PPFIA1: variants seen among roughly 807,000 people sequenced by gnomAD.
PPFIA1 encodes the protein PPFI scaffold protein A1, also known as liprin-alpha-1.
A neutral mutation model predicts 149.9 loss-of-function variants in PPFIA1; 25 were observed. The ratio of observed to expected loss-of-function variants is 0.17; its 90% CI spans 0.12 to 0.23. The LOEUF is 0.23. Ranked by LOEUF, PPFIA1 falls within the 10% of genes least tolerant of loss-of-function variation. PPFIA1 has a pLI of 1.00. For synonymous variants in PPFIA1, 549 were observed against 552.8 expected (o/e 0.99, Z 0.10); for missense variants, 1,362 against 1,506.5 (o/e 0.90, Z 1.59).
chr11:70,339,251 T>C lies in PPFIA1; in HGVS notation c.1652T>C (p.Val551Ala). ...GHTDSYSTSA[V>A]LRRPQKGRLA... is the part of the protein sequence containing the mutation. ...ACAGACTCCTACAGCACCAGTGCAGTGCTGCGGCGCCCACAGAAAGGCCGG... is the reference window on the plus strand; with the variant it reads ...ACAGACTCCTACAGCACCAGTGCAGCGCTGCGGCGCCCACAGAAAGGCCGG... Residue 551 changes from valine (V) to alanine (A), a missense_variant, in exon 14 of 28, where the codon GTG (valine) becomes GCG (alanine). By Grantham distance (64) the Val-to-Ala change is moderately conservative (BLOSUM62 0). Around this residue, in one of 7 missense-constraint regions of PPFIA1, gnomAD observed 733 missense variants for 744.1 expected, o/e 0.99. Coordinates refer to ENST00000253925, the MANE Select transcript of PPFIA1 (RefSeq NM_003626.5). 1 of 1,614,196 alleles carries C rather than the reference T, an allele frequency of 6.2e-7. No individual in the cohort carries two copies. The highest frequency in any genetic ancestry group is 8.5e-7 in the Non-Finnish European group (1 of 1,180,014).
chr11:70,280,409 A>G (rs969594177), intron 2 of PPFIA1, among the ~76,000 whole-genome samples: 6 of 151,924 alleles, frequency 3.9e-5, no homozygotes, highest in Non-Finnish European at 8.8e-5. Context: ...TCTCTACTAA[A>G]AATACAAAAA....
chr11:70,361,203 AG>A (rs2056625091), intron 19 of PPFIA1, among the ~76,000 whole-genome samples: 1 of 152,196 alleles, frequency 6.6e-6, no homozygotes, highest in Admixed American at 6.5e-5. Flanking sequence ...AGAAGATGAA[AG>A]GAAAATGATG....
chr11:70,287,898 GGCC>G, intron 2 of PPFIA1, among the ~76,000 whole-genome samples: 1 of 151,840 alleles, frequency 6.6e-6, no homozygotes, highest in African/African-American at 2.4e-5. Context: ...CCTCCTACTT[GGCC>G]TCCCAGAGTG....
intron 2 of PPFIA1, among the ~76,000 whole-genome samples, chr11:70,317,180 A>T (rs1248875960): frequency 1.3e-5 from 2 of 152,182 alleles, no homozygotes; most frequent in African/African-American, 4.8e-5. Flanking sequence ...AAATAGGAAA[A>T]AATGTACACT....
intron 16 of PPFIA1, among the ~76,000 whole-genome samples, chr11:70,349,135 CA>C (rs749436919): frequency 0.14 from 10,304 of 74,614 alleles, 368 homozygotes; most frequent in Admixed American, 0.22. Flanking sequence ...CATCTACTAC[CA>C]AAAAAAAAAA....
At chr11:70,377,083 C>A (rs1000468138) in intron 25 of PPFIA1, among the ~76,000 whole-genome samples, 1 of 151,438 alleles carries the variant, frequency 6.6e-6, no homozygotes, top group Non-Finnish European at 1.5e-5. Flanking sequence ...AAAAAGAAAC[C>A]CCCTCCCCGC....
At chr11:70,277,058 A>ATTTTTT (rs34038893) in intron 2 of PPFIA1, among the ~76,000 whole-genome samples, 6 of 52,538 alleles carry the variant, frequency 1.1e-4, no homozygotes, top group Admixed American at 2.5e-4. Flanking sequence ...ATATATATAT[A>ATTTTTT]TATTTTTTTT....
intron 16 of PPFIA1, chr11:70,350,844 A>G (rs543629300): frequency 5.0e-4 from 106 of 212,922 alleles, no homozygotes; most frequent in African/African-American, 2.5e-3. Flanking sequence ...TGGTGAAAAA[A>G]TGGTTCTGTA....
intron 14 of PPFIA1, 90 bp from the exon 15 acceptor site, chr11:70,343,579 A>G: frequency 8.3e-7 from 1 of 1,200,984 alleles, no homozygotes; most frequent in East Asian, 2.5e-5. Flanking sequence ...TTGGGCTTTC[A>G]TTAAAGAATT....
chr11:70,376,018 C>T (rs915997123), intron 24 of PPFIA1, among the ~76,000 whole-genome samples: 7 of 151,016 alleles, frequency 4.6e-5, no homozygotes, highest in Middle Eastern at 3.2e-3. Flanking sequence ...GATGGAGTTT[C>T]GCTCTTGTTG....
At chr11:70,340,460 A>G (rs1480038052) in intron 14 of PPFIA1, among the ~76,000 whole-genome samples, 2 of 152,208 alleles carry the variant, frequency 1.3e-5, no homozygotes, top group Non-Finnish European at 2.9e-5. Context: ...TAAAAGAAGT[A>G]ATTGAATACA....
intron 7 of PPFIA1, 139 bp downstream of exon 7, chr11:70,326,957 A>C: frequency 1.3e-6 from 1 of 744,566 alleles, no homozygotes; most frequent in East Asian, 2.7e-5. Context: ...GTTATATTGA[A>C]AAAGAGAGAG....
intron 24 of PPFIA1, 146 bp from the exon 25 acceptor site, chr11:70,376,386 G>A (rs1301721214): frequency 1.3e-5 from 10 of 756,730 alleles, no homozygotes; most frequent in Non-Finnish European, 2.0e-5. Context: ...CTTGGCGTCC[G>A]AAAGTGTTGG....
intron 19 of PPFIA1, chr11:70,358,221 T>TGA (rs2056450353): frequency 1.3e-5 from 2 of 152,290 alleles, no homozygotes; most frequent in African/African-American, 2.4e-5. Flanking sequence ...AGTGCTTTAT[T>TGA]TATTGATTGA....
chr11:70,341,221 T>C, intron 14 of PPFIA1: 1 of 318,008 alleles, frequency 3.1e-6, no homozygotes, highest in South Asian at 2.3e-5. Flanking sequence ...CGGCCCTGAG[T>C]TGTGGAGTGA....
chr11:70,336,803 A>G (rs772460611), intron 11 of PPFIA1, among the ~76,000 whole-genome samples: 28 of 152,212 alleles, frequency 1.8e-4, no homozygotes, highest in Admixed American at 4.6e-4. Context: ...CAGTGTCCCT[A>G]GCGATGGGAC....
rs373739416 is a variant in PPFIA1 at position 70,295,087 on chromosome 11, G to T, written c.264+22651G>T. On this transcript the variant is annotated intron_variant, in intron 2 of 27. Transcript: ENST00000253925. Reference sequence around the variant, plus strand: ...CTGTTGGGTACACCTCCCAGACGGGGTGGTGGCCGGGCAGAGGGGCTCCTT... The same window carrying T: ...CTGTTGGGTACACCTCCCAGACGGGTTGGTGGCCGGGCAGAGGGGCTCCTT... 4.4e-4 allele frequency among the ~76,000 whole-genome samples: 67 copies of T among 152,298 alleles called. No individual in the cohort carries two copies. The East Asian group carries it at 0.012, about 26-fold the overall frequency.
intron 19 of PPFIA1, chr11:70,358,460 CGATCTGTCCACCTCGGCCTCCCAAAGT>C (rs2056464530): frequency 1.3e-5 from 2 of 152,022 alleles, no homozygotes; most frequent in African/African-American, 4.8e-5. Context: ...TGACCTGAAG[CGATCTGTCCACCTCGGCCTCCCAAAGT>C]GTTGGGATTA....
At chr11:70,314,360 G>A (rs1214519327) in intron 2 of PPFIA1, among the ~76,000 whole-genome samples, 1 of 152,188 alleles carries the variant, frequency 6.6e-6, no homozygotes, top group Non-Finnish European at 1.5e-5. Flanking sequence ...AGACAACCCA[G>A]GCTGGGGAAA....
Sources: gnomAD v4.1 joint callset for allele counts (sites outside exome capture counted in the v4.1 genomes callset) on GRCh38, gnomAD v4.1.1 for gene constraint, gnomAD v4.1.1 regional missense constraint, MANE v1.5 for transcripts, NCBI Gene and HGNC (gene_info 2026-07-23, HGNC 2026-07-21) for gene names.